CNTNAP2: variants seen among roughly 807,000 people sequenced by gnomAD.
The protein encoded by CNTNAP2 is contactin associated protein 2.
Under a neutral mutation model 155.2 loss-of-function variants are expected in CNTNAP2, and 98 were observed. The observed-to-expected ratio is 0.63, with a 90% CI of 0.54 to 0.75. The LOEUF (loss-of-function observed/expected upper bound fraction) is 0.75, where lower values mean the gene tolerates loss of function less well. CNTNAP2 is among the 30% of genes least tolerant of loss of function. The pLI, the probability that CNTNAP2 is intolerant of heterozygous loss-of-function variation, is 0.00. For synonymous variants in CNTNAP2, 651 were observed against 631.2 expected (o/e 1.03, Z -0.47); for missense variants, 1,727 against 1,688.1 (o/e 1.02, Z -0.40).
At chr7:146,864,019 G>T (rs915372018) in intron 3 of CNTNAP2, among the ~76,000 whole-genome samples, 10 of 151,922 alleles carry the variant, frequency 6.6e-5, no homozygotes, top group African/African-American at 2.4e-4. Context: ...GAATTAAAAT[G>T]CTCTAAGTAA....
chr7:146,323,998 A>C (rs1047527987), intron 1 of CNTNAP2, among the ~76,000 whole-genome samples: 5 of 152,138 alleles, frequency 3.3e-5, no homozygotes, highest in African/African-American at 1.2e-4. Context: ...GCCTAAAGAC[A>C]TTTCTCTTAT....
intron 18 of CNTNAP2, 140 bp downstream of exon 18, chr7:148,172,618 G>A: frequency 1.2e-6 from 1 of 835,004 alleles, no homozygotes; most frequent in East Asian, 2.4e-5. Flanking sequence ...AACTTAGGTA[G>A]GAATTTTCCA....
intron 18 of CNTNAP2, among the ~76,000 whole-genome samples, chr7:148,200,200 A>G (rs569714206): frequency 8.0e-4 from 122 of 152,360 alleles, no homozygotes; most frequent in Non-Finnish European, 1.5e-3. Flanking sequence ...CAGGCCAGCC[A>G]CATTGACACA....
intron 3 of CNTNAP2, among the ~76,000 whole-genome samples, chr7:147,013,155 T>C (rs1431344048): frequency 6.6e-6 from 1 of 152,130 alleles, no homozygotes; most frequent in Non-Finnish European, 1.5e-5. Flanking sequence ...TGATTAAAAT[T>C]AATTTTCTAA....
chr7:146,721,889 A>ATATATATAT lies in CNTNAP2; in HGVS notation c.98-52381_98-52380insATATATATT. Among the ~76,000 whole-genome samples, 29 of 69,704 alleles carry ATATATATAT rather than the reference A, an allele frequency of 4.2e-4. 4 individuals are homozygous for ATATATATAT. In the African/African-American group the frequency reaches 4.4e-3, roughly 11 times the overall value. 45.7% of individuals were successfully genotyped at this position (69,704 alleles called of 152,430 possible). A position where few individuals can be genotyped will look rare whatever the true frequency, so the allele number is the denominator to read the frequency against. ...TGTGTGTGTGTGTATATATATATAT[A>ATATATATAT]TTTTTTTTTTTTTTTTTGAGATGGA... On this transcript the variant is annotated intron_variant, in intron 1 of 23. Coordinates refer to ENST00000361727, the MANE Select transcript of CNTNAP2 (RefSeq NM_014141.6).
At chr7:147,379,924 T>C (rs1406696696) in intron 9 of CNTNAP2, among the ~76,000 whole-genome samples, 9 of 152,060 alleles carry the variant, frequency 5.9e-5, no homozygotes, top group Non-Finnish European at 1.2e-4. Flanking sequence ...TCTCTTTTTT[T>C]CTTGATACCC....
At chr7:147,964,945 G>T (rs1479314023) in intron 14 of CNTNAP2, among the ~76,000 whole-genome samples, 1 of 152,120 alleles carries the variant, frequency 6.6e-6, no homozygotes, top group Non-Finnish European at 1.5e-5. Flanking sequence ...TAACCACAAA[G>T]CTCTGAACCT....
intron 16 of CNTNAP2, among the ~76,000 whole-genome samples, chr7:148,125,327 C>T (rs866395318): frequency 2.6e-5 from 4 of 151,902 alleles, no homozygotes; most frequent in Non-Finnish European, 4.4e-5. Flanking sequence ...TTGCATGTCA[C>T]GGGGATTTGA....
chr7:146,901,801 A>G (rs1796007547), intron 3 of CNTNAP2, among the ~76,000 whole-genome samples: 1 of 151,502 alleles, frequency 6.6e-6, no homozygotes, highest in Non-Finnish European at 1.5e-5. Flanking sequence ...TACTTTTACT[A>G]ATGTGAACTT....
chr7:146,499,371 G>A (rs1389831080), intron 1 of CNTNAP2, among the ~76,000 whole-genome samples: 2 of 151,946 alleles, frequency 1.3e-5, no homozygotes, highest in Admixed American at 6.6e-5. Flanking sequence ...AGTACAGACC[G>A]GGTTTCACTA....
chr7:148,178,286 T>C (rs1054836962), intron 18 of CNTNAP2, among the ~76,000 whole-genome samples: 1 of 152,194 alleles, frequency 6.6e-6, no homozygotes, highest in Non-Finnish European at 1.5e-5. Context: ...TACATTTCTT[T>C]AATCACTCTG....
At chr7:147,143,787 A>T (rs1163237562) in intron 8 of CNTNAP2, among the ~76,000 whole-genome samples, 1 of 152,184 alleles carries the variant, frequency 6.6e-6, no homozygotes, top group Admixed American at 6.5e-5. Context: ...TTTTAAAGAT[A>T]TTAAAGCCTA....
intron 1 of CNTNAP2, among the ~76,000 whole-genome samples, chr7:146,601,746 G>A (rs1170464521): frequency 2.6e-5 from 4 of 151,900 alleles, no homozygotes; most frequent in Admixed American, 6.6e-5. Flanking sequence ...TATGATACTG[G>A]TTCAAAGAAA....
intron 3 of CNTNAP2, among the ~76,000 whole-genome samples, chr7:147,026,058 C>A (rs1203549334): frequency 6.6e-6 from 1 of 152,050 alleles, no homozygotes; most frequent in Admixed American, 6.6e-5. Flanking sequence ...CAGGGTTTCA[C>A]CATGTTGGCC....
intron 10 of CNTNAP2, among the ~76,000 whole-genome samples, chr7:147,433,716 C>T (rs905998058): frequency 2.6e-5 from 4 of 152,062 alleles, no homozygotes; most frequent in African/African-American, 9.7e-5. Context: ...AAATGAGTGC[C>T]TGTGGGTGTT....
intron 10 of CNTNAP2, among the ~76,000 whole-genome samples, chr7:147,405,873 A>G (rs7788870): frequency 0.47 from 71,317 of 151,674 alleles, 19,534 homozygotes; most frequent in African/African-American, 0.77. Flanking sequence ...CTATATGGAA[A>G]TGGTTTGATA....
intron 13 of CNTNAP2, among the ~76,000 whole-genome samples, chr7:147,647,467 CTT>C (rs1795385253): frequency 6.6e-6 from 1 of 152,128 alleles, no homozygotes; most frequent in Admixed American, 6.5e-5. Flanking sequence ...CCTTATGAAA[CTT>C]TCTACAATTC....
chr7:148,025,206 A>G (rs1802354606), intron 15 of CNTNAP2, among the ~76,000 whole-genome samples: 1 of 152,136 alleles, frequency 6.6e-6, no homozygotes, highest in South Asian at 2.1e-4. Context: ...TTTAGATAAT[A>G]TCCATATGGT....
chr7:147,338,770 T>C (rs1395904776), intron 9 of CNTNAP2, among the ~76,000 whole-genome samples: 1 of 152,014 alleles, frequency 6.6e-6, no homozygotes, highest in Non-Finnish European at 1.5e-5. Context: ...GAAAACTAAA[T>C]ATTCTGCCAA....
Sources: gnomAD v4.1 joint callset for allele counts (sites outside exome capture counted in the v4.1 genomes callset) on GRCh38, gnomAD v4.1.1 for gene constraint, MANE v1.5 for transcripts, NCBI Gene and HGNC (gene_info 2026-07-23, HGNC 2026-07-21) for gene names.